PACSIN2: variants seen among roughly 807,000 people sequenced by gnomAD.
PACSIN2 encodes protein kinase C and casein kinase substrate in neurons 2.
Under a neutral mutation model 63.8 loss-of-function variants are expected in PACSIN2, and 25 were observed. The ratio of observed to expected loss-of-function variants is 0.39; its 90% CI spans 0.29 to 0.55. The LOEUF (loss-of-function observed/expected upper bound fraction) is 0.55. Among genes scored for constraint, PACSIN2 ranks in the 20% least tolerant of loss-of-function variants. The pLI is 0.62. For missense variants in PACSIN2, 518 were observed against 646.9 expected, an observed-to-expected ratio of 0.80 and a Z score of 2.16; for synonymous variants, 255 against 256.2, an observed-to-expected ratio of 1.00 and a Z score of 0.05.
chr22:42,883,470 C>A (rs922984674), intron 6 of PACSIN2, among the ~76,000 whole-genome samples: 2 of 152,234 alleles, frequency 1.3e-5, no homozygotes, highest in African/African-American at 4.8e-5. Context: ...CAGTAATCCA[C>A]GTCCTTGACT....
rs1399411321 is a variant in PACSIN2 at position 42,876,262 on chromosome 22, G to T, written c.1223C>A (p.Ser408Tyr). 1 of 1,614,214 alleles carries T rather than the reference G, an allele frequency of 6.2e-7. No individual in the cohort carries two copies. The highest frequency in any genetic ancestry group is 1.1e-5 in the South Asian group (1 of 91,088). ...CGAGTCCCCATTGGCATCCGTGGAG[G>T]AGAAGGGGTTGTTAGACTCATCGTC... is the stretch of plus-strand genomic sequence containing the variant. ...WSDDESNNPFSSTDANGDSNP... is the reference protein window; with the variant it reads ...WSDDESNNPFYSTDANGDSNP... Residue 408 changes from serine to tyrosine, a missense_variant, in exon 10 of 11, where the codon TCC becomes TAC. Around this residue, in one of 2 missense-constraint regions of PACSIN2, gnomAD observed 507 missense variants for 612.3 expected, o/e 0.83. Transcript: ENST00000263246.
At chr22:42,884,298 C>A (rs1929305177) in intron 6 of PACSIN2, 88 bp downstream of exon 6, 8 of 1,307,180 alleles carry the variant, frequency 6.1e-6, no homozygotes, top group Middle Eastern at 2.0e-4. Flanking sequence ...CGCGCCATCC[C>A]AAACCTGGGA....
intron 1 of PACSIN2, among the ~76,000 whole-genome samples, chr22:42,962,153 T>C (rs1048285149): frequency 6.7e-6 from 1 of 150,212 alleles, no homozygotes. Flanking sequence ...TGTCTACCTG[T>C]TCCCTCCCCC....
At chr22:42,924,237 C>G (rs986470988) in intron 1 of PACSIN2, among the ~76,000 whole-genome samples, 1 of 152,152 alleles carries the variant, frequency 6.6e-6, no homozygotes, top group Non-Finnish European at 1.5e-5. Flanking sequence ...CATCTCTCCA[C>G]TGTCAGTGCC....
chr22:42,985,606 A>T (rs2086554371), intron 1 of PACSIN2, among the ~76,000 whole-genome samples: 1 of 151,976 alleles, frequency 6.6e-6, no homozygotes, highest in Admixed American at 6.6e-5. Context: ...GTTTTGAAAC[A>T]TTTGCAAAAC....
intron 2 of PACSIN2, among the ~76,000 whole-genome samples, chr22:42,897,911 G>A (rs553779545): frequency 2.0e-5 from 3 of 152,224 alleles, no homozygotes; most frequent in Admixed American, 2.0e-4. Context: ...CCTGAGAGAA[G>A]TCAGCTGGGA....
chr22:42,981,634 T>C (rs1216788842), intron 1 of PACSIN2, among the ~76,000 whole-genome samples: 2 of 105,016 alleles, frequency 1.9e-5, no homozygotes, highest in Non-Finnish European at 4.0e-5. Context: ...AGCCGCCCCG[T>C]CCGGGAGGGA....
intron 1 of PACSIN2, among the ~76,000 whole-genome samples, chr22:42,915,250 C>T (rs183779264): frequency 7.9e-5 from 12 of 152,288 alleles, no homozygotes; most frequent in Admixed American, 5.2e-4. Context: ...GAGCCTGAAT[C>T]ACTGAGGAGA....
At chr22:42,924,734 C>A (rs2146757244) in intron 1 of PACSIN2, among the ~76,000 whole-genome samples, 1 of 152,148 alleles carries the variant, frequency 6.6e-6, no homozygotes, top group Non-Finnish European at 1.5e-5. Flanking sequence ...CCTGTATCAG[C>A]CCCCACCCCA....
At chr22:42,997,330 G>A (rs979049077) in intron 1 of PACSIN2, among the ~76,000 whole-genome samples, 2 of 152,162 alleles carry the variant, frequency 1.3e-5, no homozygotes, top group African/African-American at 2.4e-5. Context: ...AGGCAGAGGC[G>A]GGCAGATCAC....
chr22:42,975,675 C>A (rs1921654945), intron 1 of PACSIN2, among the ~76,000 whole-genome samples: 1 of 142,422 alleles, frequency 7.0e-6, no homozygotes. Context: ...AAAAAAGGTG[C>A]AGGAATGATG....
chr22:42,930,605 A>T lies in PACSIN2; in HGVS notation c.-77-18448T>A, dbSNP rs547698402. 7.2e-5 allele frequency among the ~76,000 whole-genome samples: 11 copies of T among 152,378 alleles called. No individual in the cohort carries two copies. The East Asian group carries it at 1.9e-3, about 27-fold the overall frequency. On this transcript the variant is annotated intron_variant, in intron 1 of 10. Transcript: ENST00000263246. Reference sequence around the variant, plus strand: ...TCTAAAATGCATTTGGAAGTATGAAAGTAGGTCATTTTGAAATAACAAAAG... The same window carrying T: ...TCTAAAATGCATTTGGAAGTATGAATGTAGGTCATTTTGAAATAACAAAAG...
intron 2 of PACSIN2, among the ~76,000 whole-genome samples, chr22:42,896,906 G>A (rs1930327230): frequency 6.6e-6 from 1 of 152,056 alleles, no homozygotes; most frequent in Admixed American, 6.6e-5. Context: ...ATGACTATTT[G>A]CCATCTGTAT....
chr22:42,931,116 G>T (rs983935192), intron 1 of PACSIN2, among the ~76,000 whole-genome samples: 1 of 152,250 alleles, frequency 6.6e-6, no homozygotes, highest in Non-Finnish European at 1.5e-5. Context: ...AACAGCTCAA[G>T]GTGTTGAGGG....
rs1313289012 is a variant in PACSIN2, at chr22:42,982,231, G to A, written c.-78+32790C>T. On this transcript the variant is annotated intron_variant, in intron 1 of 10. Transcript: ENST00000263246. The stretch of plus-strand genomic sequence containing the variant: ...GAGGAGCCCCTCTGCCTGGCCAGCC[G>A]CCCCGTCCGGGAGGGTGGTGGGGGG... 1.8e-4 allele frequency among the ~76,000 whole-genome samples: 11 copies of A among 61,520 alleles called. 1 individual carries two copies. The highest frequency in any genetic ancestry group is 6.6e-4 in the African/African-American group (8 of 12,086). The allele number at this position is 61,520 out of a possible 152,430, so 40.4% of individuals were successfully genotyped here. A position where few individuals can be genotyped will look rare whatever the true frequency, so the allele number is the denominator to read the frequency against.
chr22:42,980,137 A>G (rs186736007), intron 1 of PACSIN2, among the ~76,000 whole-genome samples: 1 of 152,218 alleles, frequency 6.6e-6, no homozygotes, highest in Non-Finnish European at 1.5e-5. Flanking sequence ...ACAAGTATAG[A>G]GTATTGGGTG....
intron 1 of PACSIN2, among the ~76,000 whole-genome samples, chr22:42,940,886 CT>C (rs1212859864): frequency 2.0e-5 from 3 of 152,186 alleles, no homozygotes; most frequent in Non-Finnish European, 4.4e-5. Flanking sequence ...TGCTATTTTT[CT>C]AACAGTTTTA....
chr22:42,891,604 G>A lies in PACSIN2; in HGVS notation c.218-422C>T, dbSNP rs569350082. ...TTTAGTAGAGACGGGGTTTCACCAT[G>A]TTGGCCAGGCTGGCTGATCTCGAAC... is the stretch of plus-strand genomic sequence containing the variant. On this transcript the variant is annotated intron_variant, in intron 3 of 10. Transcript: ENST00000263246. Among the ~76,000 whole-genome samples, 7 of 152,272 alleles carry A rather than the reference G, an allele frequency of 4.6e-5. No individual in the cohort carries two copies. The South Asian group carries it at 1.2e-3, about 27-fold the overall frequency.
intron 7 of PACSIN2, among the ~76,000 whole-genome samples, chr22:42,881,413 C>G (rs1178448264): frequency 6.6e-6 from 1 of 152,218 alleles, no homozygotes; most frequent in African/African-American, 2.4e-5. Context: ...TGAGCAGAAT[C>G]TGAATGCAGC....
Sources: gnomAD v4.1 joint callset for allele counts (sites outside exome capture counted in the v4.1 genomes callset) on GRCh38, gnomAD v4.1.1 for gene constraint, gnomAD v4.1.1 regional missense constraint, MANE v1.5 for transcripts, NCBI Gene and HGNC (gene_info 2026-07-23, HGNC 2026-07-21) for gene names.